ADGRB3: variants seen among roughly 807,000 people sequenced by gnomAD.
ADGRB3 encodes adhesion G protein-coupled receptor B3.
ADGRB3 carries 37 observed loss-of-function variants against 193.4 expected under a neutral mutation model. The observed-to-expected ratio is 0.19, with a 90% CI of 0.15 to 0.25. The LOEUF (loss-of-function observed/expected upper bound fraction) is 0.25. Ranked by LOEUF, ADGRB3 falls within the 10% of genes least tolerant of loss-of-function variation. The pLI, the probability that ADGRB3 is intolerant of heterozygous loss-of-function variation, is 1.00. For synonymous variants in ADGRB3, 690 were observed against 644.2 expected (o/e 1.07, Z -1.08); for missense variants, 1,637 against 1,852.9 (o/e 0.88, Z 2.14).
At chr6:68,915,740 C>T (rs144655542) in intron 3 of ADGRB3, among the ~76,000 whole-genome samples, 1 of 151,824 alleles carries the variant, frequency 6.6e-6, no homozygotes, top group Admixed American at 6.6e-5. Flanking sequence ...GAAAGCTTGC[C>T]TTCTGTCTGG....
At chr6:69,241,402 G>C (rs1471706804) in intron 20 of ADGRB3, among the ~76,000 whole-genome samples, 2 of 151,568 alleles carry the variant, frequency 1.3e-5, no homozygotes, top group Non-Finnish European at 3.0e-5. Flanking sequence ...TAAGAATCTG[G>C]AGTATATTTT....
intron 8 of ADGRB3, among the ~76,000 whole-genome samples, chr6:68,964,575 A>G (rs765395399): frequency 6.6e-6 from 1 of 152,198 alleles, no homozygotes; most frequent in Non-Finnish European, 1.5e-5. Context: ...TGTTGAGCAT[A>G]CCCCAGTATA....
intron 5 of ADGRB3, among the ~76,000 whole-genome samples, chr6:68,940,857 A>C (rs1384015955): frequency 6.6e-6 from 1 of 152,074 alleles, no homozygotes; most frequent in Non-Finnish European, 1.5e-5. Flanking sequence ...GTGCCACTGC[A>C]CTCCAGCCTG....
At chr6:68,764,000 G>C (rs1366088701) in intron 3 of ADGRB3, among the ~76,000 whole-genome samples, 1 of 152,132 alleles carries the variant, frequency 6.6e-6, no homozygotes, top group East Asian at 1.9e-4. Context: ...TTGAGCCTGA[G>C]AGCCAGAGGT....
intron 3 of ADGRB3, among the ~76,000 whole-genome samples, chr6:68,881,509 G>A (rs966203020): frequency 2.0e-5 from 3 of 152,150 alleles, no homozygotes; most frequent in Non-Finnish European, 4.4e-5. Context: ...GTACACGGAT[G>A]ACTAAGACAC....
intron 17 of ADGRB3, among the ~76,000 whole-genome samples, chr6:69,090,695 G>A (rs1365748883): frequency 3.3e-5 from 5 of 152,124 alleles, no homozygotes; most frequent in Non-Finnish European, 1.5e-5. Flanking sequence ...GTTTTCATTA[G>A]CAAAGGGCTA....
At chr6:68,880,793 A>G (rs1361583140) in intron 3 of ADGRB3, among the ~76,000 whole-genome samples, 1 of 152,220 alleles carries the variant, frequency 6.6e-6, no homozygotes, top group Admixed American at 6.5e-5. Context: ...TAGTTCATTC[A>G]CAAATTCATT....
rs138328272 is a variant in ADGRB3, at chr6:69,074,027, A to G, written c.2437-1968A>G. 8.7e-3 allele frequency among the ~76,000 whole-genome samples: 1,328 copies of G among 152,288 alleles called. 31 individuals are homozygous for G. Among genetic ancestry groups the G allele is most frequent in the African/African-American group, 0.031 (1,272 of 41,552 alleles). ...AGTCTATTATTTAAGAGTGGCTCAA[A>G]ACTTCGGAGGTTTATTTTCAATTTA... On this transcript the variant is annotated intron_variant, in intron 16 of 31. Coordinates refer to ENST00000370598, the MANE Select transcript of ADGRB3 (RefSeq NM_001704.3).
At chr6:69,335,473 A>C (rs1397048184) in intron 24 of ADGRB3, among the ~76,000 whole-genome samples, 1 of 152,154 alleles carries the variant, frequency 6.6e-6, no homozygotes, top group Non-Finnish European at 1.5e-5. Context: ...AAAGCAGAAA[A>C]GAACTATTAA....
chr6:68,678,596 G>A (rs1764817592), intron 3 of ADGRB3, among the ~76,000 whole-genome samples: 1 of 152,154 alleles, frequency 6.6e-6, no homozygotes, highest in African/African-American at 2.4e-5. Flanking sequence ...TGTAATCAAA[G>A]GAAGGTTGGA....
intron 17 of ADGRB3, among the ~76,000 whole-genome samples, chr6:69,140,572 G>A (rs1774305542): frequency 2.0e-5 from 3 of 152,178 alleles, no homozygotes; most frequent in Middle Eastern, 3.4e-3. Flanking sequence ...GAATGAATAA[G>A]ATCTAGCATT....
At chr6:69,216,799 A>G (rs923330431) in intron 17 of ADGRB3, among the ~76,000 whole-genome samples, 3 of 152,178 alleles carry the variant, frequency 2.0e-5, no homozygotes, top group Admixed American at 2.0e-4. Context: ...ATGGGGTCCC[A>G]GTGGTGTTAT....
chr6:69,103,400 T>C (rs914955725), intron 17 of ADGRB3, among the ~76,000 whole-genome samples: 10 of 152,186 alleles, frequency 6.6e-5, no homozygotes, highest in Admixed American at 1.3e-4. Context: ...GACAACCAAA[T>C]TAAACAAGTA....
intron 17 of ADGRB3, among the ~76,000 whole-genome samples, chr6:69,129,267 G>T (rs965221963): frequency 6.6e-6 from 1 of 152,092 alleles, no homozygotes; most frequent in Admixed American, 6.6e-5. Flanking sequence ...AAGGAATTCT[G>T]GGTATGTGCA....
rs1180091876 is a variant in ADGRB3 at position 69,169,190 on chromosome 6, T to C, written c.2481-64100T>C. ...AAACTATATCACATTGACAGATGGA[T>C]TGGGAAACAAATGCCCACTTGTTAT... On this transcript the variant is annotated intron_variant, in intron 17 of 31. Coordinates refer to ENST00000370598, the MANE Select transcript of ADGRB3 (RefSeq NM_001704.3). 2.6e-5 allele frequency among the ~76,000 whole-genome samples: 4 copies of C among 152,054 alleles called. No individual in the cohort carries two copies. The East Asian group carries it at 5.8e-4, about 22-fold the overall frequency.
chr6:69,110,369 A>G lies in ADGRB3; in HGVS notation c.2480+34331A>G, dbSNP rs542061798. Among the ~76,000 whole-genome samples the G allele has an allele frequency of 1.1e-4, 16 of 152,338 alleles. No individual in the cohort carries two copies. In the South Asian group the frequency reaches 3.1e-3, roughly 30 times the overall value. ...GATAGAATAAGACTATATTTTGAAC[A>G]TAATATCTCTAATATTAGTGAACAA... On this transcript the variant is annotated intron_variant, in intron 17 of 31. Coordinates refer to ENST00000370598, the MANE Select transcript of ADGRB3 (RefSeq NM_001704.3).
chr6:68,682,139 C>A (rs183471834), intron 3 of ADGRB3, among the ~76,000 whole-genome samples: 24 of 152,334 alleles, frequency 1.6e-4, no homozygotes, highest in Non-Finnish European at 3.1e-4. Context: ...CTGAATCTTT[C>A]TTTCCAAAAC....
intron 3 of ADGRB3, among the ~76,000 whole-genome samples, chr6:68,756,807 G>A (rs1395099725): frequency 2.0e-5 from 3 of 152,126 alleles, no homozygotes; most frequent in African/African-American, 7.2e-5. Context: ...TTACATTTAT[G>A]GAGTGATTAA....
chr6:69,314,104 T>C (rs1241353174), intron 20 of ADGRB3, among the ~76,000 whole-genome samples: 1 of 151,740 alleles, frequency 6.6e-6, no homozygotes, highest in East Asian at 1.9e-4. Context: ...TAATGAAGCA[T>C]CTGCTGTGTA....
Sources: allele counts gnomAD v4.1 joint callset (sites outside exome capture counted in the v4.1 genomes callset), GRCh38; gene constraint gnomAD v4.1.1; transcripts MANE v1.5; gene names NCBI Gene and HGNC (gene_info 2026-07-23, HGNC 2026-07-21).